The following CXCL13 variants were observed in gnomAD, a reference collection of about 807,000 sequenced individuals.
CXCL13 encodes C-X-C motif chemokine 13.
CXCL13 carries 7 observed loss-of-function variants against 12.2 expected under a neutral mutation model. That is an observed-to-expected ratio of 0.57 (90% CI 0.33 to 1.07). The LOEUF is 1.07. Among genes scored for constraint, CXCL13 ranks in the 50% least tolerant of loss-of-function variants. The probability of loss-of-function intolerance (pLI) is 0.04; values close to 1 mark genes in which losing one functional copy is unlikely to be tolerated. For synonymous variants in CXCL13, 47 were observed against 42.4 expected (o/e 1.11, Z -0.42); for missense variants, 113 against 127.4 (o/e 0.89, Z 0.55).
rs1727160860 is a variant in CXCL13 at position 77,611,701 on chromosome 4, AC to A, written c.*663del. 1 of 388,888 alleles carries A rather than the reference AC, an allele frequency of 2.6e-6. No individual in the cohort carries two copies. Among genetic ancestry groups the A allele is most frequent in the Non-Finnish European group, 4.5e-6 (1 of 223,552 alleles). 24.1% of individuals were successfully genotyped at this position (388,888 alleles called of 1,614,324 possible). Reference sequence around the variant, plus strand: ...TCCTTTCACACATTTGCCTTGACAAACTTCTTTCACTCACATCTTTTTCACT... The same window carrying A: ...TCCTTTCACACATTTGCCTTGACAAATTCTTTCACTCACATCTTTTTCACT... On this transcript the variant is annotated 3_prime_UTR_variant, in exon 4 of 4. Transcript: ENST00000682537.
chr4:77,592,034 G>T (rs1196699141), intron 1 of CXCL13, among the ~76,000 whole-genome samples: 1 of 152,184 alleles, frequency 6.6e-6, no homozygotes, highest in East Asian at 1.9e-4. Flanking sequence ...ACCTTGATCA[G>T]AAAAGAAATA....
chr4:77,545,857 C>T (rs1469730752), intron 1 of CXCL13, among the ~76,000 whole-genome samples: 2 of 152,168 alleles, frequency 1.3e-5, no homozygotes, highest in Non-Finnish European at 2.9e-5. Flanking sequence ...CAGTTTTTGT[C>T]CATTCAGTAT....
intron 1 of CXCL13, among the ~76,000 whole-genome samples, chr4:77,594,893 C>A (rs1342047688): frequency 6.6e-6 from 1 of 151,872 alleles, no homozygotes; most frequent in African/African-American, 2.4e-5. Flanking sequence ...ACGTCCTGCA[C>A]ATGTATCCCA....
chr4:77,525,234 C>T (rs1369766814), intron 1 of CXCL13, among the ~76,000 whole-genome samples: 1 of 152,212 alleles, frequency 6.6e-6, no homozygotes, highest in Admixed American at 6.5e-5. Flanking sequence ...CTCAGTCTCT[C>T]TGTCTCAGAG....
chr4:77,561,567 G>C (rs976216191), intron 1 of CXCL13, among the ~76,000 whole-genome samples: 1 of 152,218 alleles, frequency 6.6e-6, no homozygotes, highest in Admixed American at 6.5e-5. Flanking sequence ...TTGGAGTGTA[G>C]CACCATCTGC....
chr4:77,570,853 C>T (rs1726056608), intron 1 of CXCL13, among the ~76,000 whole-genome samples: 1 of 151,964 alleles, frequency 6.6e-6, no homozygotes, highest in South Asian at 2.1e-4. Flanking sequence ...CAGTGCCAGC[C>T]CACCGGTGCT....
intron 1 of CXCL13, among the ~76,000 whole-genome samples, chr4:77,521,463 G>T (rs998555015): frequency 2.0e-5 from 3 of 152,140 alleles, no homozygotes; most frequent in Non-Finnish European, 4.4e-5. Context: ...ATGTGTCCAG[G>T]AATTTATCCA....
chr4:77,578,349 C>T (rs1405486823), intron 1 of CXCL13, among the ~76,000 whole-genome samples: 1 of 152,140 alleles, frequency 6.6e-6, no homozygotes, highest in African/African-American at 2.4e-5. Flanking sequence ...CTGACTTCTG[C>T]CTTCCCAAAA....
chr4:77,546,833 G>A (rs529993469), intron 1 of CXCL13, among the ~76,000 whole-genome samples: 33 of 152,074 alleles, frequency 2.2e-4, no homozygotes, highest in Admixed American at 4.6e-4. Flanking sequence ...TGTGATGTTA[G>A]GGTGTTGATT....
intron 1 of CXCL13, chr4:77,511,810 C>T (rs1168767344): frequency 6.6e-6 from 1 of 152,204 alleles, no homozygotes; most frequent in Non-Finnish European, 1.5e-5. Context: ...AATATGTCAA[C>T]CCTACCAATT....
At chr4:77,592,133 C>T (rs976728855) in intron 1 of CXCL13, among the ~76,000 whole-genome samples, 1 of 152,126 alleles carries the variant, frequency 6.6e-6, no homozygotes, top group African/African-American at 2.4e-5. Context: ...GATATCTGCA[C>T]CCCCATGTTT....
chr4:77,517,162 G>A (rs985977950), intron 1 of CXCL13, among the ~76,000 whole-genome samples: 1 of 152,136 alleles, frequency 6.6e-6, no homozygotes, highest in Admixed American at 6.6e-5. Context: ...TTGCACTGTG[G>A]TCTGAGAGAT....
chr4:77,518,416 T>A (rs1045830873), intron 1 of CXCL13, among the ~76,000 whole-genome samples: 51 of 152,212 alleles, frequency 3.4e-4, no homozygotes, highest in Non-Finnish European at 6.6e-4. Flanking sequence ...ATTCTCCCTG[T>A]CACTTTCAGG....
chr4:77,544,456 G>A lies in CXCL13; in HGVS notation c.-43+32668G>A, dbSNP rs547079604. Among the ~76,000 whole-genome samples the A allele has an allele frequency of 2.4e-4, 37 of 152,234 alleles. No individual in the cohort carries two copies. The South Asian group carries it at 6.0e-3, about 25-fold the overall frequency. On this transcript the variant is annotated intron_variant, in intron 1 of 4. Coordinates refer to the CXCL13 transcript ENST00000286758. ...TCACTATTCTAACTGGTGTGAGATGGTATCTCATTGTGGTTTTGATTTGCA... is the reference window on the plus strand; with the variant it reads ...TCACTATTCTAACTGGTGTGAGATGATATCTCATTGTGGTTTTGATTTGCA...
intron 1 of CXCL13, among the ~76,000 whole-genome samples, chr4:77,526,384 T>C (rs1039733110): frequency 4.6e-5 from 7 of 152,098 alleles, no homozygotes; most frequent in Non-Finnish European, 1.0e-4. Flanking sequence ...ATTATATAAA[T>C]AAAACCTTCA....
chr4:77,518,914 T>C (rs1053193775), intron 1 of CXCL13, among the ~76,000 whole-genome samples: 1 of 152,160 alleles, frequency 6.6e-6, no homozygotes, highest in Non-Finnish European at 1.5e-5. Flanking sequence ...TTTCCCCATC[T>C]TTGTGGTTTT....
chr4:77,569,380 C>G (rs1382339400), intron 1 of CXCL13, among the ~76,000 whole-genome samples: 2 of 152,156 alleles, frequency 1.3e-5, no homozygotes, highest in African/African-American at 2.4e-5. Context: ...AATCTCAGCC[C>G]AAAAGCTTCT....
Position 77,611,231 on chromosome 4 carries a change from A to T in CXCL13, c.*192A>T, listed in dbSNP as rs1366298797. Reference sequence around the variant, plus strand: ...TCTTCACTCACAGCACCCTATATACACTTGGAGTTTGCATTCTTATTCATC... The same window carrying T: ...TCTTCACTCACAGCACCCTATATACTCTTGGAGTTTGCATTCTTATTCATC... On this transcript the variant is annotated 3_prime_UTR_variant, in exon 4 of 4. Coordinates refer to ENST00000682537, the MANE Select transcript of CXCL13 (RefSeq NM_001371558.1). The T allele has an allele frequency of 8.6e-6, 4 of 466,302 alleles. No individual in the cohort carries two copies. Among genetic ancestry groups the T allele is most frequent in the Non-Finnish European group, 1.5e-5 (4 of 263,754 alleles). The allele number at this position is 466,302 out of a possible 1,614,324, so 28.9% of individuals were successfully genotyped here. A position where few individuals can be genotyped will look rare whatever the true frequency, so the allele number is the denominator to read the frequency against.
intron 1 of CXCL13, among the ~76,000 whole-genome samples, chr4:77,598,375 GAT>G (rs1726813313): frequency 6.6e-6 from 1 of 152,182 alleles, no homozygotes; most frequent in South Asian, 2.1e-4. Flanking sequence ...TGCCATGAAA[GAT>G]AACCATTCCA....
Sources: allele counts gnomAD v4.1 joint callset (sites outside exome capture counted in the v4.1 genomes callset), GRCh38; gene constraint gnomAD v4.1.1; transcripts MANE v1.5; gene names NCBI Gene and HGNC (gene_info 2026-07-23, HGNC 2026-07-21).